CNTNAP2: variants seen among roughly 807,000 people sequenced by gnomAD.
The protein encoded by CNTNAP2 is contactin-associated protein-like 2.
CNTNAP2 carries 98 observed loss-of-function variants against 155.2 expected under a neutral mutation model. The ratio of observed to expected loss-of-function variants is 0.63; its 90% CI spans 0.54 to 0.75. CNTNAP2 has a LOEUF of 0.75. Among genes scored for constraint, CNTNAP2 ranks in the 30% least tolerant of loss-of-function variants. CNTNAP2 has a pLI of 0.00. For synonymous variants in CNTNAP2, 651 were observed against 631.2 expected, an observed-to-expected ratio of 1.03 and a Z score of -0.47; for missense variants, 1,727 against 1,688.1, an observed-to-expected ratio of 1.02 and a Z score of -0.40.
intron 1 of CNTNAP2, among the ~76,000 whole-genome samples, chr7:146,658,448 C>T (rs984167027): frequency 6.7e-6 from 1 of 150,284 alleles, no homozygotes; most frequent in Admixed American, 6.6e-5. Flanking sequence ...AAGGAATATT[C>T]ATCCTTTTCA....
At position 147,658,231 on chromosome 7, in the gene CNTNAP2, T is replaced by A. The variant is rs534039829; in HGVS notation, c.2098+18925T>A. 4.9e-5 allele frequency among the ~76,000 whole-genome samples: 5 copies of A among 102,598 alleles called. 1 individual carries two copies. Among genetic ancestry groups the A allele is most frequent in the Admixed American group, 4.2e-4 (3 of 7,188 alleles). 67.3% of individuals were successfully genotyped at this position (102,598 alleles called of 152,430 possible). A position where few individuals can be genotyped will look rare whatever the true frequency, so the allele number is the denominator to read the frequency against. ...GAGATCCCGCCACTGCACTCCAGCC[T>A]GGGAGACAGAGCGAGACTCCGTCCC... On this transcript the variant is annotated intron_variant, in intron 13 of 23. Transcript: ENST00000361727.
At chr7:147,714,020 A>C (rs1490555250) in intron 13 of CNTNAP2, among the ~76,000 whole-genome samples, 1 of 152,124 alleles carries the variant, frequency 6.6e-6, no homozygotes, top group Admixed American at 6.6e-5. Context: ...TTTGCATCCC[A>C]TTACTAGCTG....
intron 11 of CNTNAP2, among the ~76,000 whole-genome samples, chr7:147,521,672 A>C (rs1468481316): frequency 2.0e-5 from 3 of 152,018 alleles, no homozygotes; most frequent in African/African-American, 7.2e-5. Context: ...GCCTGTCTTC[A>C]CTCGCCAGGA....
intron 15 of CNTNAP2, among the ~76,000 whole-genome samples, chr7:148,072,382 C>A (rs1000428885): frequency 6.6e-6 from 1 of 151,962 alleles, no homozygotes; most frequent in Non-Finnish European, 1.5e-5. Flanking sequence ...ACTCTGCCAT[C>A]ATATTGTGAG....
chr7:148,033,901 A>T (rs2710155), intron 15 of CNTNAP2, among the ~76,000 whole-genome samples: 30 of 152,200 alleles, frequency 2.0e-4, no homozygotes, highest in East Asian at 1.2e-3. Context: ...ATTCCTGCCA[A>T]GGAGGGAATT....
intron 13 of CNTNAP2, among the ~76,000 whole-genome samples, chr7:147,730,853 TC>T (rs1796726600): frequency 6.6e-6 from 1 of 152,130 alleles, no homozygotes; most frequent in Non-Finnish European, 1.5e-5. Flanking sequence ...AAAGTGCTAC[TC>T]CAGTGAAAAC....
chr7:146,151,578 C>T (rs562110600), intron 1 of CNTNAP2, among the ~76,000 whole-genome samples: 1 of 136,164 alleles, frequency 7.3e-6, no homozygotes, highest in Non-Finnish European at 1.6e-5. Flanking sequence ...TTTGCAATAG[C>T]CAAAATATCG....
At chr7:148,342,749 G>A (rs1233530564) in intron 21 of CNTNAP2, among the ~76,000 whole-genome samples, 2 of 152,162 alleles carry the variant, frequency 1.3e-5, no homozygotes, top group East Asian at 1.9e-4. Flanking sequence ...TACTGTGATC[G>A]ATATTGTGCA....
At chr7:147,748,009 C>T (rs556398244) in intron 13 of CNTNAP2, among the ~76,000 whole-genome samples, 98 of 152,334 alleles carry the variant, frequency 6.4e-4, no homozygotes, top group African/African-American at 2.0e-3. Flanking sequence ...GTCAATCACC[C>T]GCCTAGCATG....
In CNTNAP2 at chr7:148,184,083, G is replaced by T. The variant is rs1795080266; in HGVS notation, c.3010+11605G>T. Among the ~76,000 whole-genome samples, 4 of 151,996 alleles carry T rather than the reference G, an allele frequency of 2.6e-5. No individual in the cohort carries two copies. The South Asian group carries it at 8.3e-4, about 32-fold the overall frequency. ...TGAACCTAGTGGACACCTTCCCCTT[G>T]AGTATTTCTGCCTTAAAGATAACTT... On this transcript the variant is annotated intron_variant, in intron 18 of 23. Transcript: ENST00000361727.
chr7:147,446,225 T>G (rs1797737585), intron 10 of CNTNAP2, among the ~76,000 whole-genome samples: 2 of 151,490 alleles, frequency 1.3e-5, no homozygotes, highest in Middle Eastern at 3.4e-3. Flanking sequence ...CTCACTAACT[T>G]TTGAGCTATC....
chr7:146,761,284 TGGAAGGAAGGAA>T (rs369635102), intron 1 of CNTNAP2, among the ~76,000 whole-genome samples: 1,595 of 144,636 alleles, frequency 0.011, 20 homozygotes, highest in African/African-American at 0.034. Flanking sequence ...TCATAATTGC[TGGAAGGAAGGAA>T]GGAAGGAAGG....
At chr7:147,823,654 T>C (rs149484694) in intron 13 of CNTNAP2, among the ~76,000 whole-genome samples, 163 of 152,208 alleles carry the variant, frequency 1.1e-3, no homozygotes, top group African/African-American at 3.7e-3. Context: ...TTAGGTTTCT[T>C]TTCAGAACTA....
intron 19 of CNTNAP2, among the ~76,000 whole-genome samples, chr7:148,218,741 C>T (rs889380049): frequency 6.6e-6 from 1 of 151,886 alleles, no homozygotes; most frequent in Non-Finnish European, 1.5e-5. Flanking sequence ...TCGTCAAACA[C>T]ACATTAAGCC....
In CNTNAP2 at chr7:147,073,099, G is replaced by A. The variant is rs572308830; in HGVS notation, c.550+29045G>A. 1.2e-3 allele frequency among the ~76,000 whole-genome samples: 178 copies of A among 144,396 alleles called. 1 individual carries two copies. Among genetic ancestry groups the A allele is most frequent in the African/African-American group, 4.2e-3 (162 of 38,574 alleles). The allele number at this position is 144,396 out of a possible 152,430, so 94.7% of individuals were successfully genotyped here. A position where few individuals can be genotyped will look rare whatever the true frequency, so the allele number is the denominator to read the frequency against. On this transcript the variant is annotated intron_variant, in intron 4 of 23. Transcript: ENST00000361727. ...GATCTCCTGACCTCATGATCCACCC[G>A]CCTCGGCCTCCCAAAGCCTTTTCTT...
Position 148,281,932 on chromosome 7 carries a change from T to C in CNTNAP2, c.3475+14806T>C, listed in dbSNP as rs1796981003. On this transcript the variant is annotated intron_variant, in intron 21 of 23. Transcript: ENST00000361727. Reference sequence around the variant, plus strand: ...CTCACTGCAACCTCCACCTCCCGGGTTCAAGCAATTCTCCTGTGAGTAGCT... The same window carrying C: ...CTCACTGCAACCTCCACCTCCCGGGCTCAAGCAATTCTCCTGTGAGTAGCT... 2.1e-5 allele frequency among the ~76,000 whole-genome samples: 3 copies of C among 145,596 alleles called. No homozygotes were observed. In the Admixed American group the frequency reaches 2.2e-4, roughly 11 times the overall value.
Position 147,132,381 on chromosome 7 carries a change from A to T in CNTNAP2, c.1220A>T (p.Asn407Ile). 5 of 1,613,692 alleles carry T rather than the reference A, an allele frequency of 3.1e-6. No individual in the cohort carries two copies. The highest frequency in any genetic ancestry group is 3.4e-6 in the Non-Finnish European group (4 of 1,179,810). ...VSFQFRTWNP[N>I]GLLVFSHFAD... ...TTCCAGTTTAGGACATGGAACCCCA[A>T]TGGTCTCCTGGTCTTCAGTCACTTT... The change falls in exon 8 of 24, where the codon AAT becomes ATT. Residue 407 changes from asparagine (N) to isoleucine (I), a missense_variant. Asn to Ile is a moderately radical substitution (Grantham distance 149, BLOSUM62 -3). Transcript: ENST00000361727.
intron 11 of CNTNAP2, among the ~76,000 whole-genome samples, chr7:147,555,170 T>C (rs780422605): frequency 1.8e-4 from 27 of 152,152 alleles, no homozygotes; most frequent in Non-Finnish European, 4.4e-5. Flanking sequence ...CTTTCCAATA[T>C]AGAAACTTAT....
chr7:147,659,147 C>T (rs1795576001), intron 13 of CNTNAP2, among the ~76,000 whole-genome samples: 1 of 152,090 alleles, frequency 6.6e-6, no homozygotes, highest in Non-Finnish European at 1.5e-5. Flanking sequence ...AAAGGAAAAT[C>T]TGGGTGGACT....
Sources: allele counts gnomAD v4.1 joint callset (sites outside exome capture counted in the v4.1 genomes callset), GRCh38; gene constraint gnomAD v4.1.1; transcripts MANE v1.5; gene names NCBI Gene and HGNC (gene_info 2026-07-23, HGNC 2026-07-21).